Variants in GRIN2C observed in about 807,000 individuals in gnomAD.
GRIN2C encodes the protein glutamate ionotropic receptor NMDA type subunit 2C.
GRIN2C carries 64 observed loss-of-function variants against 77.7 expected under a neutral mutation model. That is an observed-to-expected ratio of 0.82 (90% CI 0.67 to 1.01). GRIN2C has a LOEUF of 1.01. GRIN2C is among the 50% of genes least tolerant of loss of function. GRIN2C has a pLI of 0.00. For synonymous variants in GRIN2C, 792 were observed against 643.4 expected (o/e 1.23, Z -3.49); for missense variants, 1,549 against 1,486.0 (o/e 1.04, Z -0.70).
rs1220531154 is a variant in GRIN2C, at chr17:74,844,502, G to C, written c.2357C>G (p.Thr786Arg). 6.8e-6 allele frequency: 11 copies of C among 1,613,818 alleles called. No individual in the cohort carries two copies. Among genetic ancestry groups the C allele is most frequent in the Non-Finnish European group, 9.3e-6 (11 of 1,179,868 alleles). The change falls in exon 12 of 13, where the codon ACA becomes AGA. Residue 786 changes from threonine (T) to arginine (R), a missense_variant. By Grantham distance (71) the Thr-to-Arg change is moderately conservative (BLOSUM62 -1). Coordinates refer to ENST00000293190, the MANE Select transcript of GRIN2C (RefSeq NM_000835.6). Reference protein sequence around the residue: ...ALLQFLGDGETQKLETVWLSG... With the variant: ...ALLQFLGDGERQKLETVWLSG... ...GAGCCACACTGTCTCCAGTTTCTGT[G>C]TCTCTCCTGGAGTTGGGGGGTGTAC... is the stretch of plus-strand genomic sequence containing the variant.
At position 74,852,459 on chromosome 17, in the gene GRIN2C, G is replaced by A. The variant is rs764521381; in HGVS notation, c.552C>T (p.Ala184=). 10 of 1,550,300 alleles carry A rather than the reference G, an allele frequency of 6.5e-6. No individual in the cohort carries two copies. Among genetic ancestry groups the A allele is most frequent in the South Asian group, 2.4e-5 (2 of 84,852 alleles). Residue 184 remains alanine, a synonymous_variant, in exon 3 of 13, where the codon GCC becomes GCT. Coordinates refer to ENST00000293190, the MANE Select transcript of GRIN2C (RefSeq NM_000835.6). ...AACTCACGTGGCTGGCGTCGGCGACGGCGCGCACGCCCTCCAGGAAGAGCG... is the reference window on the plus strand; with the variant it reads ...AACTCACGTGGCTGGCGTCGGCGACAGCGCGCACGCCCTCCAGGAAGAGCG... The part of the protein sequence containing the change: ...GHALFLEGVR[A]VADASHVSWR...
Position 74,849,851 on chromosome 17 carries a change from G to A in GRIN2C, c.1574C>T (p.Pro525Leu), listed in dbSNP as rs772572844. Residue 525 changes from proline to leucine, a missense_variant, in exon 7 of 13, where the codon CCC becomes CTC. By Grantham distance (98) the Pro-to-Leu change is moderately conservative (BLOSUM62 -3). Transcript: ENST00000293190. The surrounding 1 kb of genome is among the most constrained non-coding windows in gnomAD (Gnocchi z 4.6). ...ERSEIVDFSV[P>L]FVETGISVMV... ...CACACTGATGCCCGTCTCCACAAAG[G>A]GTACAGAGAAGTCTACGATCTCGGA... The A allele has an allele frequency of 6.2e-6, 10 of 1,613,322 alleles. No homozygotes were observed. The African/African-American group carries it at 1.3e-4, about 22-fold the overall frequency.
At chr17:74,860,643 C>T (rs1208296231), upstream of GRIN2C, 1 of 385,396 alleles carries the variant, frequency 2.6e-6, no homozygotes, top group East Asian at 7.3e-5. Context: ...GGGCCCAGCG[C>T]CAGGTCTTGC....
rs377590628 is a variant in GRIN2C at position 74,847,457 on chromosome 17, C to G, written c.1852G>C (p.Glu618Gln). ...ALVFNNSVPI[E>Q]NPRGTTSKIM... Reference sequence around the variant, plus strand: ...TTGCTGGTGGTGCCCCGCGGGTTCTCGATGGGCACTGAGTTGTTGAAGACC... The same window carrying G: ...TTGCTGGTGGTGCCCCGCGGGTTCTGGATGGGCACTGAGTTGTTGAAGACC... Residue 618 changes from glutamate (E) to glutamine (Q), a missense_variant, in exon 9 of 13, where the codon GAG (glutamate) becomes CAG (glutamine). Coordinates refer to ENST00000293190, the MANE Select transcript of GRIN2C (RefSeq NM_000835.6). The surrounding 1 kb of genome is among the most constrained non-coding windows in gnomAD (Gnocchi z 5.2). 7.4e-6 allele frequency: 12 copies of G among 1,613,962 alleles called. No homozygotes were observed. In the East Asian group the frequency reaches 2.5e-4, roughly 33 times the overall value.
chr17:74,855,907 C>T (rs2037806820), intron 1 of GRIN2C, among the ~76,000 whole-genome samples: 1 of 152,272 alleles, frequency 6.6e-6, no homozygotes, highest in South Asian at 2.1e-4. Flanking sequence ...AGTAGCAGCT[C>T]TTCCGCAGCA....
Position 74,850,604 on chromosome 17 carries a change from C to A in GRIN2C, c.1277G>T (p.Cys426Phe). The A allele has an allele frequency of 6.2e-7, 1 of 1,613,602 alleles. No individual in the cohort carries two copies. Among genetic ancestry groups the A allele is most frequent in the Non-Finnish European group, 8.5e-7 (1 of 1,180,020 alleles). The change falls in exon 5 of 13, where the codon TGT becomes TTT. Residue 426 changes from cysteine (C) to phenylalanine (F), a missense_variant. This residue lies in a region of GRIN2C where 717 missense variants were observed against 858.1 expected (regional missense o/e 0.84). Coordinates refer to ENST00000293190, the MANE Select transcript of GRIN2C (RefSeq NM_000835.6). This position sits in a 1 kb window ranked among gnomAD's most constrained non-coding sequence, Gnocchi z 5.3. ...VESPDPGTGG[C>F]VPNTVPCRRQ... is the part of the protein sequence containing the mutation. ...GCGGCAGGGCACGGTGTTGGGGACA[C>A]AGCCTCCTGTGCCAGGGTCAGGGCT...
chr17:74,848,451 C>T (rs562512448), intron 7 of GRIN2C, among the ~76,000 whole-genome samples: 15 of 152,310 alleles, frequency 9.8e-5, no homozygotes, highest in Admixed American at 9.8e-4. Context: ...TGGTGGCTCT[C>T]GCCTGTAATC....
At chr17:74,858,374 G>A (rs540788361) in intron 1 of GRIN2C, among the ~76,000 whole-genome samples, 114 of 151,896 alleles carry the variant, frequency 7.5e-4, no homozygotes, top group African/African-American at 2.6e-3. Flanking sequence ...TGGGGGAGTT[G>A]AGGCAGGTTG....
chr17:74,843,245 G>T lies in GRIN2C; in HGVS notation c.2892C>A (p.Asp964Glu). Residue 964 changes from aspartate to glutamate, a missense_variant, in exon 13 of 13, where the codon GAC becomes GAA. Coordinates refer to ENST00000293190, the MANE Select transcript of GRIN2C (RefSeq NM_000835.6). ...EPSPTGWGPP[D>E]GGRAALVRRA... ...TGCGCACAAGCGCCGCGCGACCCCC[G>T]TCTGGCGGTCCCCAGCCCGTGGGGC... 1 of 710,886 alleles carries T rather than the reference G, an allele frequency of 1.4e-6. No individual in the cohort carries two copies. Among genetic ancestry groups the T allele is most frequent in the Non-Finnish European group, 2.1e-6 (1 of 484,586 alleles). 44.0% of individuals were successfully genotyped at this position (710,886 alleles called of 1,614,324 possible).
In GRIN2C at chr17:74,855,081, G is replaced by T; in HGVS notation, c.12C>A (p.Ala4=). 1 of 1,587,246 alleles carries T rather than the reference G, an allele frequency of 6.3e-7. No homozygotes were observed. Among genetic ancestry groups the T allele is most frequent in the South Asian group, 1.1e-5 (1 of 89,808 alleles). Residue 4 remains alanine, a synonymous_variant, in exon 2 of 13, where the codon GCC becomes GCA. Transcript: ENST00000293190. MGG[A]LGPALLLTSL... ...AGGTGAGCAACAGGGCCGGCCCCAGGGCCCCACCCATGTCCACCGGAGGGT... is the reference window on the plus strand; with the variant it reads ...AGGTGAGCAACAGGGCCGGCCCCAGTGCCCCACCCATGTCCACCGGAGGGT...
chr17:74,846,457 G>A lies in GRIN2C; in HGVS notation c.2163-204C>T, dbSNP rs3744191. Among the ~76,000 whole-genome samples, 38,154 of 152,116 alleles carry A rather than the reference G, an allele frequency of 0.25. 5,126 individuals are homozygous for A. The highest frequency in any genetic ancestry group is 0.41 in the East Asian group (2,116 of 5,160). On this transcript the variant is annotated intron_variant, in intron 10 of 12. Coordinates refer to ENST00000293190, the MANE Select transcript of GRIN2C (RefSeq NM_000835.6). This position sits in a 1 kb window ranked among gnomAD's most constrained non-coding sequence, Gnocchi z 4.4. ...TCCTCTGCAGAGTGGCCAGGGGACT[G>A]TCTGTTCCCAGAAGACACACCACCC...
In GRIN2C at chr17:74,847,123, C is replaced by T; in HGVS notation, c.2001+185G>A. Reference sequence around the variant, plus strand: ...AGGGAGAGACTTACCCAAGGCCTCTCAGCCGGTGGCCCTGAGCCATCTCTT... The same window carrying T: ...AGGGAGAGACTTACCCAAGGCCTCTTAGCCGGTGGCCCTGAGCCATCTCTT... On this transcript the variant is annotated intron_variant, in intron 9 of 12. Coordinates refer to ENST00000293190, the MANE Select transcript of GRIN2C (RefSeq NM_000835.6). The surrounding 1 kb of genome is among the most constrained non-coding windows in gnomAD (Gnocchi z 5.2). 1 of 720,152 alleles carries T rather than the reference C, an allele frequency of 1.4e-6. No homozygotes were observed. Among genetic ancestry groups the T allele is most frequent in the Non-Finnish European group, 2.3e-6 (1 of 443,180 alleles). 44.6% of individuals were successfully genotyped at this position (720,152 alleles called of 1,614,324 possible).
chr17:74,855,949 A>G (rs2037808130), intron 1 of GRIN2C, among the ~76,000 whole-genome samples: 1 of 152,248 alleles, frequency 6.6e-6, no homozygotes, highest in African/African-American at 2.4e-5. Context: ...TTCAGAGCTC[A>G]GGGGTACCGG....
At position 74,850,752 on chromosome 17, in the gene GRIN2C, G is replaced by T. The variant is rs749642179; in HGVS notation, c.1129C>A (p.His377Asn). Residue 377 changes from histidine to asparagine, a missense_variant, in exon 5 of 13, where the codon CAT becomes AAT. Physicochemically the swap from His to Asn is moderately conservative, Grantham distance 68. Transcript: ENST00000293190. The surrounding 1 kb of genome is among the most constrained non-coding windows in gnomAD (Gnocchi z 5.3). ...RLWEMVGRWE[H>N]GVLYMKYPVW... ...GGGTACTTCATGTATAGGACGCCAT[G>T]CTCCCAGCGCCCCACCTGTGGAGGG... 2 of 1,612,196 alleles carry T rather than the reference G, an allele frequency of 1.2e-6. No homozygotes were observed. The highest frequency in any genetic ancestry group is 1.7e-6 in the Non-Finnish European group (2 of 1,179,540).
chr17:74,847,474 T>C lies in GRIN2C; in HGVS notation c.1835A>G (p.Asn612Ser). The part of the protein sequence containing the change: ...SVWLLWALVF[N>S]NSVPIENPRG... ...CGGGTTCTCGATGGGCACTGAGTTG[T>C]TGAAGACCAGCGCCCACAGCAGCCA... The change falls in exon 9 of 13, where the codon AAC (asparagine) becomes AGC (serine). Residue 612 changes from asparagine to serine, a missense_variant. Asn to Ser is a conservative substitution (Grantham distance 46, BLOSUM62 1). Around this residue, in one of 3 missense-constraint regions of GRIN2C, gnomAD observed 717 missense variants for 858.1 expected, o/e 0.84. Coordinates refer to ENST00000293190, the MANE Select transcript of GRIN2C (RefSeq NM_000835.6). The surrounding 1 kb of genome is among the most constrained non-coding windows in gnomAD (Gnocchi z 5.2). The C allele has an allele frequency of 6.2e-7, 1 of 1,614,048 alleles. No individual in the cohort carries two copies. Among genetic ancestry groups the C allele is most frequent in the Non-Finnish European group, 8.5e-7 (1 of 1,179,984 alleles).
Position 74,844,472 on chromosome 17 carries a change from CCT to C in GRIN2C, c.2385_2386del (p.Gly796AspfsTer5). The C allele has an allele frequency of 6.2e-7, 1 of 1,614,186 alleles. No homozygotes were observed. Among genetic ancestry groups the C allele is most frequent in the Non-Finnish European group, 8.5e-7 (1 of 1,180,038 alleles). On this transcript the variant is annotated frameshift_variant, in exon 12 of 13. Transcript: ENST00000293190. LOFTEE classifies it high-confidence loss of function. ...CTCGTTCTTCTCATTCTGGCAGATC[CCT>C]GAGAGCCACACTGTCTCCAGTTTCT...
In GRIN2C at chr17:74,850,232, C is replaced by G; in HGVS notation, c.1465G>C (p.Gly489Arg). ...TCCCCAATCATGCCGTTCCATACGC[C>G]GCGCACCCGCTTGCCATGCTTGCCG... ...TNGKHGKRVR[G>R]VWNGMIGEVY... The change falls in exon 6 of 13, where the codon GGC (glycine) becomes CGC (arginine). Residue 489 changes from glycine (G) to arginine (R), a missense_variant. This residue lies in a region of GRIN2C where 717 missense variants were observed against 858.1 expected (regional missense o/e 0.84). Transcript: ENST00000293190. This position sits in a 1 kb window ranked among gnomAD's most constrained non-coding sequence, Gnocchi z 5.3. The G allele has an allele frequency of 6.2e-7, 1 of 1,613,660 alleles. No individual in the cohort carries two copies. The highest frequency in any genetic ancestry group is 8.5e-7 in the Non-Finnish European group (1 of 1,179,976).
At position 74,849,974 on chromosome 17, in the gene GRIN2C, C is replaced by T. The variant is rs750529927; in HGVS notation, c.1492-41G>A. ...CACGGAGGTTTGAAAAAGGGGCTCC[C>T]GTGGGGTGGACACGCTGCACAGGCA... On this transcript the variant is annotated intron_variant, in intron 6 of 12. Transcript: ENST00000293190. This position sits in a 1 kb window ranked among gnomAD's most constrained non-coding sequence, Gnocchi z 4.6. The T allele has an allele frequency of 1.7e-4, 270 of 1,591,920 alleles. No individual in the cohort carries two copies. The highest frequency in any genetic ancestry group is 9.0e-4 in the South Asian group (79 of 87,892).
Position 74,846,836 on chromosome 17 carries a change from A to T in GRIN2C, c.2086T>A (p.Tyr696Asn), listed in dbSNP as rs908619066. The change falls in exon 10 of 13, where the codon TAC (tyrosine) becomes AAC (asparagine). Residue 696 changes from tyrosine to asparagine, a missense_variant. By Grantham distance (143) the Tyr-to-Asn change is moderately radical. Transcript: ENST00000293190. This position sits in a 1 kb window ranked among gnomAD's most constrained non-coding sequence, Gnocchi z 4.4. Reference protein sequence around the residue: ...GSTERNIRSNYRDMHTHMVKF... With the variant: ...GSTERNIRSNNRDMHTHMVKF... ...ACCATGTGGGTGTGCATGTCACGGT[A>T]GTTACTGCGGATGTTCCGCTCCGTG... 4 of 1,614,130 alleles carry T rather than the reference A, an allele frequency of 2.5e-6. No individual in the cohort carries two copies. The highest frequency in any genetic ancestry group is 2.5e-6 in the Non-Finnish European group (3 of 1,180,010).
Sources: gnomAD v4.1 joint callset for allele counts (sites outside exome capture counted in the v4.1 genomes callset) on GRCh38, gnomAD v4.1.1 for gene constraint, gnomAD v4.1.1 regional missense constraint, Gnocchi (gnomAD v3.1) non-coding constraint, MANE v1.5 for transcripts, NCBI Gene and HGNC (gene_info 2026-07-23, HGNC 2026-07-21) for gene names.